The following HDAC9 variants were observed in gnomAD, a reference collection of about 807,000 sequenced individuals.
HDAC9 encodes histone deacetylase 9, also known as MEF-2 interacting transcription repressor (MITR) protein.
In HDAC9, 41 loss-of-function variants were observed where a neutral mutation model predicts 139.4. That is an observed-to-expected ratio of 0.29 (90% CI 0.23 to 0.38). The LOEUF is 0.38. Among genes scored for constraint, HDAC9 ranks in the 10% least tolerant of loss-of-function variants. The pLI, the probability that HDAC9 is intolerant of heterozygous loss-of-function variation, is 1.00. For missense variants in HDAC9, 1,147 were observed against 1,297.0 expected, an observed-to-expected ratio of 0.88 and a Z score of 1.78; for synonymous variants, 517 against 476.2, an observed-to-expected ratio of 1.09 and a Z score of -1.12.
Position 18,640,679 on chromosome 7 carries a change from A to G in HDAC9, c.913-3992A>G, listed in dbSNP as rs541770223. 2.0e-5 allele frequency among the ~76,000 whole-genome samples: 3 copies of G among 152,192 alleles called. No homozygotes were observed. The East Asian group carries it at 5.8e-4, about 29-fold the overall frequency. On this transcript the variant is annotated intron_variant, in intron 8 of 25. Transcript: ENST00000686413. The stretch of plus-strand genomic sequence containing the variant: ...TTGCATCCATGAGTTTTAATGGGAT[A>G]TAAATGGCACAATGTTATCTGCATC...
At chr7:18,518,331 G>C (rs1303021592) in intron 2 of HDAC9, among the ~76,000 whole-genome samples, 1 of 152,186 alleles carries the variant, frequency 6.6e-6, no homozygotes, top group Non-Finnish European at 1.5e-5. Flanking sequence ...GCTTTAGGCA[G>C]TTTCTGAATC....
chr7:18,566,726 A>C (rs1822487395), intron 2 of HDAC9, among the ~76,000 whole-genome samples: 1 of 152,230 alleles, frequency 6.6e-6, no homozygotes, highest in South Asian at 2.1e-4. Context: ...GGGCATTAGC[A>C]AGCAATTGAG....
chr7:18,437,829 C>G (rs1791352617), intron 1 of HDAC9, among the ~76,000 whole-genome samples: 1 of 151,146 alleles, frequency 6.6e-6, no homozygotes, highest in Non-Finnish European at 1.5e-5. Context: ...AAGTCCCTCT[C>G]ACAGGATTAT....
chr7:18,462,259 T>C (rs1793916962), intron 1 of HDAC9, among the ~76,000 whole-genome samples: 1 of 152,098 alleles, frequency 6.6e-6, no homozygotes, highest in Admixed American at 6.6e-5. Context: ...CACAGCCTCT[T>C]AGCTTCTTTC....
intron 22 of HDAC9, among the ~76,000 whole-genome samples, chr7:18,925,193 C>G (rs989040728): frequency 3.9e-5 from 6 of 152,114 alleles, no homozygotes; most frequent in Non-Finnish European, 4.4e-5. Flanking sequence ...TAAATTTGCA[C>G]TTCAATATTA....
intron 1 of HDAC9, among the ~76,000 whole-genome samples, chr7:18,306,226 A>C (rs1426998446): frequency 1.3e-5 from 2 of 152,190 alleles, no homozygotes; most frequent in Non-Finnish European, 2.9e-5. Flanking sequence ...ACTCCTGAAC[A>C]TCGTTATTAG....
intron 12 of HDAC9, among the ~76,000 whole-genome samples, chr7:18,694,391 T>A (rs912094790): frequency 2.6e-4 from 40 of 152,156 alleles, no homozygotes; most frequent in African/African-American, 9.2e-4. Context: ...GTCAAGGAGC[T>A]ATCTCATTTT....
intron 7 of HDAC9, among the ~76,000 whole-genome samples, chr7:18,630,113 A>G (rs747778098): frequency 2.0e-5 from 3 of 152,024 alleles, no homozygotes; most frequent in Non-Finnish European, 2.9e-5. Context: ...GAGGTCTTAC[A>G]ACACCCCTAG....
chr7:18,092,450 T>C (rs561599821), intron 1 of HDAC9, among the ~76,000 whole-genome samples: 1 of 151,886 alleles, frequency 6.6e-6, no homozygotes, highest in African/African-American at 2.4e-5. Context: ...CAGACCTGAC[T>C]TTGAAGCCAC....
At chr7:18,885,691 TTTTAA>T (rs1355566244) in intron 22 of HDAC9, among the ~76,000 whole-genome samples, 4 of 152,224 alleles carry the variant, frequency 2.6e-5, no homozygotes, top group Admixed American at 2.0e-4. Flanking sequence ...TGTACGCACT[TTTTAA>T]TTACTATAGA....
rs533658948 is a variant in HDAC9, at chr7:18,482,928, C to G, written c.-41-13334C>G. Among the ~76,000 whole-genome samples the G allele has an allele frequency of 9.1e-4, 138 of 152,154 alleles. 1 individual carries two copies. Among genetic ancestry groups the G allele is most frequent in the South Asian group, 4.8e-3 (23 of 4,828 alleles). On this transcript the variant is annotated intron_variant, in intron 1 of 3. Coordinates refer to the HDAC9 transcript ENST00000413509. Reference sequence around the variant, plus strand: ...ATTTGTTATCTAAATATGAGGAAACCCTTAAAAACAGAACAAAGTCTAACG... The same window carrying G: ...ATTTGTTATCTAAATATGAGGAAACGCTTAAAAACAGAACAAAGTCTAACG...
chr7:18,248,665 G>A (rs945303107), intron 2 of HDAC9, among the ~76,000 whole-genome samples: 2 of 152,142 alleles, frequency 1.3e-5, no homozygotes, highest in African/African-American at 2.4e-5. Flanking sequence ...GAGGGAGGAG[G>A]CTAAAATGCA....
At chr7:18,920,232 C>A (rs906135438) in intron 22 of HDAC9, among the ~76,000 whole-genome samples, 8 of 152,032 alleles carry the variant, frequency 5.3e-5, no homozygotes, top group African/African-American at 1.7e-4. Flanking sequence ...AAGTTGGATT[C>A]CTAGGTGTTT....
chr7:18,805,775 C>T (rs1311551494), intron 17 of HDAC9, among the ~76,000 whole-genome samples: 1 of 152,146 alleles, frequency 6.6e-6, no homozygotes, highest in Non-Finnish European at 1.5e-5. Context: ...GACTGAAGGC[C>T]TTTGAAGAAC....
At chr7:18,976,529 T>G (rs548466263) in intron 25 of HDAC9, among the ~76,000 whole-genome samples, 1 of 152,312 alleles carries the variant, frequency 6.6e-6, no homozygotes, top group Admixed American at 6.5e-5. Flanking sequence ...TGATTTTATT[T>G]CATTTTGGGA....
chr7:18,742,415 T>C lies in HDAC9; in HGVS notation c.1910-6590T>C, dbSNP rs1223453753. Among the ~76,000 whole-genome samples the C allele has an allele frequency of 9.9e-5, 15 of 152,202 alleles. 1 individual carries two copies. The highest frequency in any genetic ancestry group is 9.2e-4 in the Admixed American group (14 of 15,284). On this transcript the variant is annotated intron_variant, in intron 13 of 25. Coordinates refer to ENST00000686413, the MANE Select transcript of HDAC9 (RefSeq NM_178425.4). ...AGCACTTTAGCAATAAATTAATTTTTAATTAAGGTATGTACATTGGTTTCT... is the reference window on the plus strand; with the variant it reads ...AGCACTTTAGCAATAAATTAATTTTCAATTAAGGTATGTACATTGGTTTCT...
At chr7:18,247,966 A>C (rs1228613327) in intron 2 of HDAC9, among the ~76,000 whole-genome samples, 1 of 152,144 alleles carries the variant, frequency 6.6e-6, no homozygotes, top group African/African-American at 2.4e-5. Context: ...AAAACTAAGA[A>C]AATGTGGAAA....
At chr7:18,931,009 T>G (rs915875407) in intron 22 of HDAC9, among the ~76,000 whole-genome samples, 2 of 152,214 alleles carry the variant, frequency 1.3e-5, no homozygotes, top group Non-Finnish European at 2.9e-5. Flanking sequence ...AATTGAATTC[T>G]CAGTTACTAG....
chr7:18,709,751 C>A (rs1001216959), intron 12 of HDAC9, among the ~76,000 whole-genome samples: 7 of 152,120 alleles, frequency 4.6e-5, no homozygotes, highest in Non-Finnish European at 1.0e-4. Flanking sequence ...ACCTTTCTTG[C>A]CCTGTGTTGT....
Sources: allele counts gnomAD v4.1 joint callset (sites outside exome capture counted in the v4.1 genomes callset), GRCh38; gene constraint gnomAD v4.1.1; transcripts MANE v1.5; gene names NCBI Gene and HGNC (gene_info 2026-07-23, HGNC 2026-07-21).